Variants in SUGCT observed in about 807,000 individuals in gnomAD.
SUGCT encodes succinyl-CoA:glutarate-CoA transferase.
Under a neutral mutation model 55.0 loss-of-function variants are expected in SUGCT, and 41 were observed. The ratio of observed to expected loss-of-function variants is 0.74; its 90% CI spans 0.58 to 0.97. The LOEUF (loss-of-function observed/expected upper bound fraction) is 0.97, where lower values mean the gene tolerates loss of function less well. SUGCT is among the 50% of genes least tolerant of loss of function. SUGCT has a pLI of 0.00. For missense variants in SUGCT, 568 were observed against 547.8 expected, an observed-to-expected ratio of 1.04 and a Z score of -0.37; for synonymous variants, 187 against 200.4, an observed-to-expected ratio of 0.93 and a Z score of 0.56.
chr7:40,824,213 AAAAAAAC>A (rs1025827652), intron 13 of SUGCT, among the ~76,000 whole-genome samples: 1 of 152,066 alleles, frequency 6.6e-6, no homozygotes, highest in Admixed American at 6.6e-5. Flanking sequence ...TTGCTCAAAA[AAAAAAAC>A]AAAAAACAAA....
the SUGCT span, among the ~76,000 whole-genome samples, chr7:40,899,009 G>C: frequency 2.0e-5 from 3 of 152,112 alleles, no homozygotes; most frequent in African/African-American, 7.2e-5. Flanking sequence ...AGCCACGTCC[G>C]GCTCTTAGGC....
chr7:40,603,822 T>C (rs1174367407), intron 12 of SUGCT, among the ~76,000 whole-genome samples: 2 of 152,224 alleles, frequency 1.3e-5, no homozygotes, highest in Non-Finnish European at 1.5e-5. Context: ...TGCATAAACT[T>C]GCCCCACTAT....
At chr7:40,599,644 C>A (rs1041452252) in intron 12 of SUGCT, among the ~76,000 whole-genome samples, 4 of 152,120 alleles carry the variant, frequency 2.6e-5, no homozygotes, top group Non-Finnish European at 4.4e-5. Context: ...AACCCAATTG[C>A]TTTTGATTTC....
the SUGCT span, among the ~76,000 whole-genome samples, chr7:40,896,452 C>G: frequency 6.6e-6 from 1 of 152,250 alleles, no homozygotes; most frequent in East Asian, 1.9e-4. Context: ...TTGCAGTTCC[C>G]ACAATCCCCA....
rs148115310 is a variant in SUGCT, at chr7:40,620,818, A to G, written c.1089+124432A>G. Among the ~76,000 whole-genome samples, 385 of 152,306 alleles carry G rather than the reference A, an allele frequency of 2.5e-3. 2 individuals carry two copies. Among genetic ancestry groups the G allele is most frequent in the Middle Eastern group, 0.02 (6 of 294 alleles). On this transcript the variant is annotated intron_variant, in intron 12 of 13. Transcript: ENST00000335693. ...AGATTGTTAAGTGTTAATTTATAGG[A>G]CTGCTTTCCTCACTGTTAGCTAAAT... is the stretch of plus-strand genomic sequence containing the variant.
chr7:40,742,133 CACACACATTATATATGT>C (rs1362695746), intron 12 of SUGCT, among the ~76,000 whole-genome samples: 3 of 152,090 alleles, frequency 2.0e-5, no homozygotes, highest in African/African-American at 7.2e-5. Context: ...TATATATATG[CACACACATTATATATGT>C]GTTTGTGTAA....
chr7:40,760,251 G>T (rs1454578242), intron 13 of SUGCT, among the ~76,000 whole-genome samples: 4 of 152,118 alleles, frequency 2.6e-5, no homozygotes, highest in Non-Finnish European at 5.9e-5. Flanking sequence ...TAATTAAACT[G>T]CAAACAATGT....
At chr7:40,355,906 A>G (rs1013915453) in intron 9 of SUGCT, among the ~76,000 whole-genome samples, 1 of 152,368 alleles carries the variant, frequency 6.6e-6, no homozygotes, top group African/African-American at 2.4e-5. Flanking sequence ...GAGCATGTTC[A>G]TTGCCTGGAA....
intron 9 of SUGCT, among the ~76,000 whole-genome samples, chr7:40,377,128 CTCTTTCTTTCTT>C (rs530455909): frequency 0.041 from 257 of 6,316 alleles, 63 homozygotes; most frequent in African/African-American, 0.065. Flanking sequence ...TTCAGCCTTC[CTCTTTCTTTCTT>C]TCTTTCTTTC....
the SUGCT span, among the ~76,000 whole-genome samples, chr7:41,024,334 A>G: frequency 1.3e-5 from 2 of 152,242 alleles, no homozygotes; most frequent in Non-Finnish European, 2.9e-5. Context: ...GTGAAAACAA[A>G]GAATGATTAA....
chr7:40,282,268 G>A (rs1296364241), intron 8 of SUGCT, among the ~76,000 whole-genome samples: 2 of 151,988 alleles, frequency 1.3e-5, no homozygotes, highest in Non-Finnish European at 2.9e-5. Flanking sequence ...AGAAGTTTGA[G>A]ACCAGCCTGG....
chr7:40,496,253 G>A, intron 11 of SUGCT, 31 bp from the exon 12 acceptor site: 1 of 1,470,348 alleles, frequency 6.8e-7, no homozygotes, highest in Non-Finnish European at 9.5e-7. Flanking sequence ...TCCTTCCTGT[G>A]TAAAAAATTT....
the SUGCT span, among the ~76,000 whole-genome samples, chr7:40,910,352 C>G: frequency 6.6e-6 from 1 of 151,982 alleles, no homozygotes; most frequent in African/African-American, 2.4e-5. Context: ...TGGAGGGTAG[C>G]AAGAATTATA....
At chr7:40,436,388 T>C (rs562589826) in intron 9 of SUGCT, among the ~76,000 whole-genome samples, 10 of 152,328 alleles carry the variant, frequency 6.6e-5, no homozygotes, top group African/African-American at 2.4e-4. Flanking sequence ...TGTCTCACTA[T>C]GTATACTCTG....
intron 7 of SUGCT, among the ~76,000 whole-genome samples, chr7:40,245,302 G>A (rs1057265460): frequency 3.1e-4 from 45 of 147,262 alleles, no homozygotes; most frequent in African/African-American, 9.6e-4. Flanking sequence ...CAAGTGATCC[G>A]CCTGCTTTGG....
At chr7:40,149,908 A>C (rs1037699022) in intron 1 of SUGCT, among the ~76,000 whole-genome samples, 1 of 151,978 alleles carries the variant, frequency 6.6e-6, no homozygotes, top group African/African-American at 2.4e-5. Flanking sequence ...AACAAGAGCA[A>C]AATTCTGTCT....
rs770191004 is a variant in SUGCT at position 40,194,958 on chromosome 7, G to A, written c.382G>A (p.Val128Met). 4 of 1,613,590 alleles carry A rather than the reference G, an allele frequency of 2.5e-6. No individual in the cohort carries two copies. The highest frequency in any genetic ancestry group is 1.7e-5 in the Admixed American group (1 of 60,012). The change falls in exon 6 of 14, where the codon GTG becomes ATG. Residue 128 changes from valine to methionine, a missense_variant. Val to Met is a conservative substitution (Grantham distance 21). Coordinates refer to ENST00000335693, the MANE Select transcript of SUGCT (RefSeq NM_001193313.2). ...CCATCAGCTTGCAGCTGTTTGTGAT[G>A]TGTTTGTGGAAAACTATGTCCCTGG... Reference protein sequence around the residue: ...IIKELAAVCDVFVENYVPGKL... With the variant: ...IIKELAAVCDMFVENYVPGKL...
Position 40,308,424 on chromosome 7 carries a change from A to G in SUGCT, c.721-8336A>G, listed in dbSNP as rs903072148. ...TTTTTCTTATAAAATGGGAGTTGCA[A>G]TGTGACTTTATTTGCTTTCATTCAT... On this transcript the variant is annotated intron_variant, in intron 8 of 13. Transcript: ENST00000335693. Among the ~76,000 whole-genome samples, 7 of 152,150 alleles carry G rather than the reference A, an allele frequency of 4.6e-5. No individual in the cohort carries two copies. The South Asian group carries it at 8.3e-4, about 18-fold the overall frequency.
chr7:40,833,178 G>A (rs907358213), intron 13 of SUGCT, among the ~76,000 whole-genome samples: 2 of 151,920 alleles, frequency 1.3e-5, no homozygotes, highest in Non-Finnish European at 2.9e-5. Flanking sequence ...AGATCCCATT[G>A]TAGTTGAAGA....
Sources: gnomAD v4.1 joint callset for allele counts (sites outside exome capture counted in the v4.1 genomes callset) on GRCh38, gnomAD v4.1.1 for gene constraint, MANE v1.5 for transcripts, NCBI Gene and HGNC (gene_info 2026-07-23, HGNC 2026-07-21) for gene names.